Variants in IL1RAP observed in about 807,000 individuals in gnomAD.
IL1RAP encodes interleukin 1 receptor accessory protein, also known as interleukin-1 receptor accessory protein.
IL1RAP carries 35 observed loss-of-function variants against 60.7 expected under a neutral mutation model. That is an observed-to-expected ratio of 0.58 (90% confidence interval 0.44 to 0.76). The LOEUF (loss-of-function observed/expected upper bound fraction) is 0.76, where lower values mean the gene tolerates loss of function less well. Ranked by LOEUF, IL1RAP falls within the 30% of genes least tolerant of loss-of-function variation. IL1RAP has a pLI of 0.00. For missense variants in IL1RAP, 572 were observed against 693.9 expected (o/e 0.82, Z 1.97); for synonymous variants, 268 against 250.9 (o/e 1.07, Z -0.64).
At chr3:190,606,444 G>A (rs987236096) in intron 4 of IL1RAP, among the ~76,000 whole-genome samples, 1 of 152,168 alleles carries the variant, frequency 6.6e-6, no homozygotes, top group African/African-American at 2.4e-5. Context: ...CTGTTCATCT[G>A]TTAACATTTC....
At chr3:190,565,547 T>C (rs1726311183) in intron 3 of IL1RAP, among the ~76,000 whole-genome samples, 2 of 152,212 alleles carry the variant, frequency 1.3e-5, no homozygotes, top group Admixed American at 6.5e-5. Context: ...AGGAGTGGTA[T>C]AAGTAGGACA....
chr3:190,525,911 C>T (rs1202286348), intron 1 of IL1RAP, among the ~76,000 whole-genome samples: 1 of 152,164 alleles, frequency 6.6e-6, no homozygotes, highest in Non-Finnish European at 1.5e-5. Flanking sequence ...AACACTGAAC[C>T]TAGAGCTATT....
At chr3:190,554,999 A>T (rs1330587690) in intron 1 of IL1RAP, among the ~76,000 whole-genome samples, 2 of 152,198 alleles carry the variant, frequency 1.3e-5, no homozygotes, top group Admixed American at 1.3e-4. Context: ...AACAGCTTGT[A>T]GAAAATGCCT....
chr3:190,647,066 T>G (rs1012873200), intron 11 of IL1RAP, among the ~76,000 whole-genome samples: 1 of 152,222 alleles, frequency 6.6e-6, no homozygotes, highest in African/African-American at 2.4e-5. Flanking sequence ...GAATTCACAT[T>G]CTGCATAATT....
chr3:190,583,072 A>G (rs1476998896), intron 3 of IL1RAP, among the ~76,000 whole-genome samples: 2 of 152,224 alleles, frequency 1.3e-5, no homozygotes, highest in Non-Finnish European at 2.9e-5. Flanking sequence ...CTCTCAGGCT[A>G]AGTAAGATCC....
intron 3 of IL1RAP, among the ~76,000 whole-genome samples, chr3:190,577,165 T>A (rs977528243): frequency 2.6e-5 from 4 of 151,230 alleles, no homozygotes; most frequent in Non-Finnish European, 5.9e-5. Context: ...TAAATATTCA[T>A]GATAAAGGGA....
Position 190,524,625 on chromosome 3 carries a change from T to C in IL1RAP, c.-89+10406T>C, listed in dbSNP as rs11929613. ...TTCTTATTTTTTATTTCACCTCCAG[T>C]AGATTATAAAGTCCACAAGGACAGG... is the stretch of plus-strand genomic sequence containing the variant. On this transcript the variant is annotated intron_variant, in intron 1 of 11. Transcript: ENST00000447382. Among the ~76,000 whole-genome samples the C allele has an allele frequency of 7.6e-3, 1,164 of 152,164 alleles. 23 individuals carry two copies. Among genetic ancestry groups the C allele is most frequent in the African/African-American group, 0.027 (1,120 of 41,530 alleles).
Position 190,650,674 on chromosome 3 carries a change from A to T in IL1RAP, c.*1969A>T. 1.0e-6 allele frequency: 1 copy of T among 954,544 alleles called. No homozygotes were observed. The highest frequency in any genetic ancestry group is 4.8e-5 in the South Asian group (1 of 20,686). 59.1% of individuals were successfully genotyped at this position (954,544 alleles called of 1,614,324 possible). A position where few individuals can be genotyped will look rare whatever the true frequency, so the allele number is the denominator to read the frequency against. ...ATTGAAAAAAGTTTCACTTGGATGA[A>T]AAAAGTAGAAAAGTAGGTCATTCTT... is the stretch of plus-strand genomic sequence containing the variant. On this transcript the variant is annotated 3_prime_UTR_variant, in exon 12 of 12. Transcript: ENST00000447382.
chr3:190,555,944 C>CTATCTATA lies in IL1RAP; in HGVS notation c.-88-179_-88-178insATATCTAT, dbSNP rs1725385996. 9 of 151,792 alleles carry CTATCTATA rather than the reference C, an allele frequency of 5.9e-5. No homozygotes were observed. In the South Asian group the frequency reaches 1.9e-3, roughly 32 times the overall value. The allele number at this position is 151,792 out of a possible 1,614,324, so 9.4% of individuals were successfully genotyped here. A position where few individuals can be genotyped will look rare whatever the true frequency, so the allele number is the denominator to read the frequency against. Reference sequence around the variant, plus strand: ...GAGATCTGTCTATCTATCTATCTATCTATCTATCTATCTATCTATCTATCT... The same window carrying CTATCTATA: ...GAGATCTGTCTATCTATCTATCTATCTATCTATATATCTATCTATCTATCTATCTATCT... On this transcript the variant is annotated intron_variant, in intron 1 of 11. Coordinates refer to ENST00000447382, the MANE Select transcript of IL1RAP (RefSeq NM_002182.4).
chr3:190,637,519 T>G (rs1560235985), intron 9 of IL1RAP, among the ~76,000 whole-genome samples: 1 of 152,172 alleles, frequency 6.6e-6, no homozygotes, highest in Non-Finnish European at 1.5e-5. Flanking sequence ...TCTTATTTTC[T>G]GATACATTTC....
At chr3:190,535,807 C>G (rs1723413844) in intron 1 of IL1RAP, among the ~76,000 whole-genome samples, 1 of 152,128 alleles carries the variant, frequency 6.6e-6, no homozygotes, top group Non-Finnish European at 1.5e-5. Context: ...TACCTTTGTC[C>G]TTTTGTTTTT....
chr3:190,533,488 C>T (rs1229285044), intron 1 of IL1RAP, among the ~76,000 whole-genome samples: 1 of 152,154 alleles, frequency 6.6e-6, no homozygotes, highest in Admixed American at 6.5e-5. Context: ...GATGTCTCCT[C>T]CTCCCTCCCC....
chr3:190,522,294 C>G (rs1267756117), intron 1 of IL1RAP, among the ~76,000 whole-genome samples: 1 of 50,938 alleles, frequency 2.0e-5, no homozygotes, highest in Non-Finnish European at 3.4e-5. Flanking sequence ...CCTTTGCTTC[C>G]TTCCTTCCTT....
chr3:190,622,653 A>T (rs773370097), intron 6 of IL1RAP, among the ~76,000 whole-genome samples: 5 of 152,226 alleles, frequency 3.3e-5, no homozygotes, highest in Non-Finnish European at 5.9e-5. Flanking sequence ...AGAAAATATT[A>T]TAAAGGATTC....
At chr3:190,585,163 G>A (rs147336591) in intron 3 of IL1RAP, among the ~76,000 whole-genome samples, 5 of 152,242 alleles carry the variant, frequency 3.3e-5, no homozygotes, top group African/African-American at 1.2e-4. Flanking sequence ...TAACAAAGTG[G>A]CTTCCCTCTT....
exon 12 of IL1RAP, chr3:190,656,570 C>T (rs556278661): frequency 4.8e-5 from 74 of 1,532,412 alleles, no homozygotes; most frequent in South Asian, 1.9e-4. Context: ...CATCATTTCA[C>T]GGACTTATCC....
intron 3 of IL1RAP, among the ~76,000 whole-genome samples, chr3:190,569,766 A>T (rs1438885055): frequency 1.3e-5 from 2 of 152,226 alleles, no homozygotes; most frequent in Non-Finnish European, 2.9e-5. Flanking sequence ...TTCTAAGTTT[A>T]GAAAAATGAC....
intron 1 of IL1RAP, among the ~76,000 whole-genome samples, chr3:190,548,612 AGAG>A (rs781237072): frequency 6.6e-6 from 1 of 152,322 alleles, no homozygotes; most frequent in Admixed American, 6.5e-5. Context: ...TCAAAAAAGG[AGAG>A]TAGTAAGAAA....
intron 5 of IL1RAP, among the ~76,000 whole-genome samples, chr3:190,613,640 TG>T (rs1367671744): frequency 6.6e-6 from 1 of 151,914 alleles, no homozygotes; most frequent in Non-Finnish European, 1.5e-5. Flanking sequence ...GCAAACAACA[TG>T]GCCAATATGG....
Sources: gnomAD v4.1 joint callset for allele counts (sites outside exome capture counted in the v4.1 genomes callset) on GRCh38, gnomAD v4.1.1 for gene constraint, MANE v1.5 for transcripts, NCBI Gene and HGNC (gene_info 2026-07-23, HGNC 2026-07-21) for gene names.